The following GRIK2 variants were observed in gnomAD, a reference collection of about 807,000 sequenced individuals.
GRIK2 encodes glutamate ionotropic receptor kainate type subunit 2.
In GRIK2, 32 loss-of-function variants were observed where a neutral mutation model predicts 100.3. The ratio of observed to expected loss-of-function variants is 0.32; its 90% confidence interval spans 0.24 to 0.43. The LOEUF (loss-of-function observed/expected upper bound fraction) is 0.43. Ranked by LOEUF, GRIK2 falls within the 20% of genes least tolerant of loss-of-function variation. The pLI is 1.00. For synonymous variants in GRIK2, 417 were observed against 389.4 expected, an observed-to-expected ratio of 1.07 and a Z score of -0.83; for missense variants, 843 against 1,114.9, an observed-to-expected ratio of 0.76 and a Z score of 3.47.
chr6:102,001,942 G>A (rs1055221952), intron 14 of GRIK2, among the ~76,000 whole-genome samples: 19 of 151,024 alleles, frequency 1.3e-4, no homozygotes, highest in African/African-American at 3.9e-4. Context: ...AAAGTTTTTC[G>A]ACTCTTTACT....
At chr6:101,539,314 A>T (rs1055098632) in intron 2 of GRIK2, among the ~76,000 whole-genome samples, 3 of 151,822 alleles carry the variant, frequency 2.0e-5, no homozygotes, top group African/African-American at 7.2e-5. Flanking sequence ...GACATCCCCG[A>T]TAGGAATATC....
At chr6:101,668,601 T>C (rs549512959) in intron 4 of GRIK2, among the ~76,000 whole-genome samples, 6 of 152,272 alleles carry the variant, frequency 3.9e-5, no homozygotes, top group African/African-American at 1.4e-4. Context: ...AAACATGGAA[T>C]ATAGATGAAT....
At chr6:101,850,169 G>C (rs892952271) in intron 10 of GRIK2, among the ~76,000 whole-genome samples, 1 of 151,956 alleles carries the variant, frequency 6.6e-6, no homozygotes, top group South Asian at 2.1e-4. Flanking sequence ...AAGCAAAGTA[G>C]ACGTGTAAAT....
At chr6:102,016,148 C>T (rs1475170299) in intron 14 of GRIK2, among the ~76,000 whole-genome samples, 1 of 152,078 alleles carries the variant, frequency 6.6e-6, no homozygotes, top group Non-Finnish European at 1.5e-5. Flanking sequence ...CTTAACTGGG[C>T]TGAGATTGCT....
intron 4 of GRIK2, among the ~76,000 whole-genome samples, chr6:101,661,179 G>A (rs538033069): frequency 6.6e-6 from 1 of 152,272 alleles, no homozygotes; most frequent in Middle Eastern, 3.4e-3. Context: ...TGCTCAGAGA[G>A]GAGGAATCTA....
chr6:101,547,050 C>G (rs1412971700), intron 2 of GRIK2, among the ~76,000 whole-genome samples: 1 of 151,472 alleles, frequency 6.6e-6, no homozygotes, highest in Non-Finnish European at 1.5e-5. Context: ...CCGGGATGGT[C>G]TCGATCTCTT....
chr6:101,499,285 TACGCTTACCGA>T (rs1193917397), intron 2 of GRIK2, among the ~76,000 whole-genome samples: 1 of 152,156 alleles, frequency 6.6e-6, no homozygotes, highest in East Asian at 1.9e-4. Context: ...GCTATTTTCT[TACGCTTACCGA>T]ATAAAAATGC....
At chr6:101,425,583 A>G (rs928060219) in intron 2 of GRIK2, among the ~76,000 whole-genome samples, 29 of 152,118 alleles carry the variant, frequency 1.9e-4, no homozygotes, top group Non-Finnish European at 5.9e-5. Context: ...ATGTTATCCT[A>G]CATTTTTCAC....
chr6:101,523,184 G>T (rs1255898376), intron 2 of GRIK2, among the ~76,000 whole-genome samples: 1 of 152,108 alleles, frequency 6.6e-6, no homozygotes, highest in African/African-American at 2.4e-5. Context: ...GTATAAGTAA[G>T]AGAAAACTTC....
intron 2 of GRIK2, among the ~76,000 whole-genome samples, chr6:101,606,422 GA>G (rs1779439591): frequency 6.6e-6 from 1 of 151,868 alleles, no homozygotes; most frequent in African/African-American, 2.4e-5. Context: ...TGGAATCATT[GA>G]GTATCTTTCA....
At chr6:101,867,779 A>ATT (rs984989165) in intron 11 of GRIK2, among the ~76,000 whole-genome samples, 3 of 150,246 alleles carry the variant, frequency 2.0e-5, no homozygotes, top group African/African-American at 7.3e-5. Flanking sequence ...TTAAATTTAA[A>ATT]TTTTTTTTTG....
At chr6:101,998,812 CTTT>C (rs755522043) in intron 14 of GRIK2, among the ~76,000 whole-genome samples, 2 of 110,058 alleles carry the variant, frequency 1.8e-5, no homozygotes, top group Non-Finnish European at 3.6e-5. Flanking sequence ...TTTTTCTTTT[CTTT>C]TTTTTTTTTT....
intron 10 of GRIK2, among the ~76,000 whole-genome samples, chr6:101,832,549 G>T (rs530587686): frequency 6.6e-6 from 1 of 152,068 alleles, no homozygotes; most frequent in Admixed American, 6.6e-5. Flanking sequence ...TTCTTACTTG[G>T]CAGGTGGCCT....
At chr6:101,705,704 A>G (rs531913370) in intron 7 of GRIK2, among the ~76,000 whole-genome samples, 1 of 152,008 alleles carries the variant, frequency 6.6e-6, no homozygotes, top group South Asian at 2.1e-4. Flanking sequence ...TTAATATGCT[A>G]TCAATGTAAA....
intron 2 of GRIK2, among the ~76,000 whole-genome samples, chr6:101,546,002 G>A (rs563053742): frequency 6.6e-6 from 1 of 151,110 alleles, no homozygotes; most frequent in East Asian, 1.9e-4. Context: ...TGCATCCAGT[G>A]CCCCATTCAT....
At chr6:101,541,376 C>CACA (rs775232963) in intron 2 of GRIK2, among the ~76,000 whole-genome samples, 124 of 5,596 alleles carry the variant, frequency 0.022, 1 homozygote, top group Non-Finnish European at 0.037. Flanking sequence ...GCGCACACAA[C>CACA]CACACACACA....
In GRIK2 at chr6:101,420,828, A is replaced by G. The variant is rs575670209; in HGVS notation, c.115+21436A>G. 2.6e-5 allele frequency among the ~76,000 whole-genome samples: 4 copies of G among 152,258 alleles called. No homozygotes were observed. In the South Asian group the frequency reaches 8.3e-4, roughly 32 times the overall value. ...GTTTTTTTAGAGGTATTTATATTGT[A>G]TTAGAGTTTCTAGGTCTCTACCAAA... On this transcript the variant is annotated intron_variant, in intron 2 of 16. Transcript: ENST00000369134.
intron 2 of GRIK2, among the ~76,000 whole-genome samples, chr6:101,490,271 C>T (rs1773037073): frequency 6.8e-6 from 1 of 146,684 alleles, no homozygotes; most frequent in African/African-American, 2.6e-5. Context: ...CAACAGGGTC[C>T]TATAAGTGGG....
intron 2 of GRIK2, among the ~76,000 whole-genome samples, chr6:101,562,363 G>A (rs1450563633): frequency 6.6e-6 from 1 of 152,094 alleles, no homozygotes; most frequent in Admixed American, 6.5e-5. Flanking sequence ...TTCTGAGACG[G>A]AGTCTCACTC....
Sources: gnomAD v4.1 joint callset for allele counts (sites outside exome capture counted in the v4.1 genomes callset) on GRCh38, gnomAD v4.1.1 for gene constraint, MANE v1.5 for transcripts, NCBI Gene and HGNC (gene_info 2026-07-23, HGNC 2026-07-21) for gene names.